Variants in DCC observed in about 807,000 individuals in gnomAD.
The protein encoded by DCC is DCC netrin 1 receptor.
In DCC, 58 loss-of-function variants were observed where a neutral mutation model predicts 172.5. That is an observed-to-expected ratio of 0.34 (90% CI 0.27 to 0.42). The LOEUF is 0.42. Ranked by LOEUF, DCC falls within the 10% of genes least tolerant of loss-of-function variation. DCC has a pLI of 1.00. For missense variants in DCC, 1,740 were observed against 1,791.0 expected (o/e 0.97, Z 0.51); for synonymous variants, 709 against 644.5 (o/e 1.10, Z -1.52).
intron 1 of DCC, among the ~76,000 whole-genome samples, chr18:52,456,469 C>T (rs1988460107): frequency 6.6e-6 from 1 of 151,928 alleles, no homozygotes; most frequent in African/African-American, 2.4e-5. Context: ...ATTCAAATGC[C>T]AGTTATTTTA....
At chr18:53,269,950 C>A (rs2056729707) in intron 12 of DCC, among the ~76,000 whole-genome samples, 1 of 152,022 alleles carries the variant, frequency 6.6e-6, no homozygotes, top group Admixed American at 6.6e-5. Flanking sequence ...GGAGAAAGAG[C>A]CTTCTAGAAG....
intron 1 of DCC, among the ~76,000 whole-genome samples, chr18:52,413,577 C>G (rs1447160326): frequency 7.7e-6 from 1 of 130,160 alleles, no homozygotes; most frequent in Non-Finnish European, 1.6e-5. Context: ...ATTTTTAACC[C>G]TATTAACATA....
chr18:53,131,633 G>A (rs2043652930), intron 7 of DCC, among the ~76,000 whole-genome samples: 1 of 152,046 alleles, frequency 6.6e-6, no homozygotes, highest in Non-Finnish European at 1.5e-5. Context: ...CCTATGACAT[G>A]CCCATCACTG....
chr18:53,517,324 G>A (rs2046346333), intron 27 of DCC, among the ~76,000 whole-genome samples: 1 of 152,024 alleles, frequency 6.6e-6, no homozygotes, highest in Non-Finnish European at 1.5e-5. Context: ...GGGAGGAATA[G>A]CATTGGGAGA....
At position 53,416,200 on chromosome 18, in the gene DCC, C is replaced by T. The variant is rs372599433; in HGVS notation, c.3163+44C>T. On this transcript the variant is annotated intron_variant, in intron 21 of 28. Coordinates refer to ENST00000442544, the MANE Select transcript of DCC (RefSeq NM_005215.4). The stretch of plus-strand genomic sequence containing the variant: ...TCATTTTGTGTTCCTTGAATCAATC[C>T]TGTCTGTTAGACATGTCAGTCATTA... The T allele has an allele frequency of 9.9e-6, 14 of 1,412,390 alleles. No homozygotes were observed. In the South Asian group the frequency reaches 1.0e-4, roughly 10 times the overall value. 87.5% of individuals were successfully genotyped at this position (1,412,390 alleles called of 1,614,324 possible). A position where few individuals can be genotyped will look rare whatever the true frequency, so the allele number is the denominator to read the frequency against.
At chr18:53,496,707 C>T (rs1302335730) in intron 26 of DCC, among the ~76,000 whole-genome samples, 2 of 152,102 alleles carry the variant, frequency 1.3e-5, no homozygotes, top group African/African-American at 2.4e-5. Context: ...AAGCTCTAAC[C>T]CAATGCACGG....
intron 1 of DCC, among the ~76,000 whole-genome samples, chr18:52,659,956 A>T (rs1207913532): frequency 6.6e-6 from 1 of 152,150 alleles, no homozygotes; most frequent in Non-Finnish European, 1.5e-5. Flanking sequence ...GACCACTGAA[A>T]CCCAATGATT....
intron 1 of DCC, among the ~76,000 whole-genome samples, chr18:52,366,913 G>A (rs1984890792): frequency 6.6e-6 from 1 of 152,252 alleles, no homozygotes; most frequent in Non-Finnish European, 1.5e-5. Context: ...GCACTCCTCA[G>A]CCCTTGGGTG....
At position 52,366,954 on chromosome 18, in the gene DCC, G is replaced by C. The variant is rs549193378; in HGVS notation, c.91+26076G>C. ...TGGGACTGGGCGCCGTGGAGCAGGG[G>C]GTGGTGCTCCTTGGGGAGGCTCGGG... On this transcript the variant is annotated intron_variant, in intron 1 of 28. Coordinates refer to ENST00000442544, the MANE Select transcript of DCC (RefSeq NM_005215.4). Among the ~76,000 whole-genome samples, 237 of 152,376 alleles carry C rather than the reference G, an allele frequency of 1.6e-3. 2 individuals carry two copies. Among genetic ancestry groups the C allele is most frequent in the African/African-American group, 5.4e-3 (225 of 41,592 alleles).
intron 1 of DCC, among the ~76,000 whole-genome samples, chr18:52,494,780 C>A (rs762949890): frequency 6.6e-6 from 1 of 152,030 alleles, no homozygotes; most frequent in Non-Finnish European, 1.5e-5. Context: ...AATTAAAATA[C>A]CTGGCTCACT....
intron 15 of DCC, among the ~76,000 whole-genome samples, chr18:53,384,152 T>C (rs1183235961): frequency 6.6e-6 from 1 of 152,158 alleles, no homozygotes; most frequent in Non-Finnish European, 1.5e-5. Context: ...CTAGTAGTTC[T>C]GGGGATCAGG....
intron 1 of DCC, among the ~76,000 whole-genome samples, chr18:52,382,814 C>T (rs967531631): frequency 1.3e-5 from 2 of 152,008 alleles, no homozygotes; most frequent in African/African-American, 2.4e-5. Context: ...TTACATAACT[C>T]GTACCTGTAA....
chr18:53,020,789 G>A (rs541928839), intron 5 of DCC, among the ~76,000 whole-genome samples: 7 of 152,240 alleles, frequency 4.6e-5, no homozygotes, highest in African/African-American at 1.7e-4. Flanking sequence ...CCTTAGCTAG[G>A]GAATTAGATA....
chr18:52,532,842 T>G (rs995048313), intron 1 of DCC, among the ~76,000 whole-genome samples: 13 of 152,004 alleles, frequency 8.6e-5, no homozygotes, highest in African/African-American at 3.1e-4. Context: ...CATTCAGTGG[T>G]TTTTAGTATA....
At chr18:52,883,771 T>G (rs2039529896) in intron 2 of DCC, among the ~76,000 whole-genome samples, 1 of 152,066 alleles carries the variant, frequency 6.6e-6, no homozygotes, top group South Asian at 2.1e-4. Context: ...ATATCCTGTG[T>G]TTTTCTGTGT....
At position 53,231,164 on chromosome 18, in the gene DCC, A is replaced by C. The variant is rs140355351; in HGVS notation, c.1911+15567A>C. 1.6e-4 allele frequency among the ~76,000 whole-genome samples: 25 copies of C among 152,172 alleles called. 1 individual carries two copies. In the East Asian group the frequency reaches 4.8e-3, roughly 29 times the overall value. On this transcript the variant is annotated intron_variant, in intron 12 of 28. Transcript: ENST00000442544. ...TAAGAAAATATACTTACTCTATGAC[A>C]TGTGGGTCTTGTAAGGAACTGACAT... is the stretch of plus-strand genomic sequence containing the variant.
chr18:53,376,438 T>C lies in DCC; in HGVS notation c.2360-9605T>C, dbSNP rs534079615. On this transcript the variant is annotated intron_variant, in intron 15 of 28. Transcript: ENST00000442544. ...AACAAACAAAAAGCAAAGCACAGTA[T>C]GCATGAGTTTGCTTTTTCTAAATGT... Among the ~76,000 whole-genome samples the C allele has an allele frequency of 1.7e-3, 263 of 152,280 alleles. 1 individual carries two copies. The highest frequency in any genetic ancestry group is 2.7e-3 in the South Asian group (13 of 4,822).
chr18:52,868,833 A>T (rs1425696762), intron 2 of DCC, among the ~76,000 whole-genome samples: 5 of 152,228 alleles, frequency 3.3e-5, no homozygotes, highest in Non-Finnish European at 7.3e-5. Context: ...CATGGGGTCC[A>T]GCCACTGCAC....
chr18:52,710,822 T>C (rs2036281037), intron 1 of DCC, among the ~76,000 whole-genome samples: 1 of 152,210 alleles, frequency 6.6e-6, no homozygotes, highest in Non-Finnish European at 1.5e-5. Context: ...CTAGGGCCCA[T>C]CACAGGGGCT....
Sources: allele counts gnomAD v4.1 joint callset (sites outside exome capture counted in the v4.1 genomes callset), GRCh38; gene constraint gnomAD v4.1.1; transcripts MANE v1.5; gene names NCBI Gene and HGNC (gene_info 2026-07-23, HGNC 2026-07-21).